The following DPP10 variants were observed in gnomAD, a reference collection of about 807,000 sequenced individuals.
DPP10 encodes dipeptidyl peptidase like 10.
In DPP10, 33 loss-of-function variants were observed where a neutral mutation model predicts 120.9. That is an observed-to-expected ratio of 0.27 (90% CI 0.21 to 0.37). The LOEUF (loss-of-function observed/expected upper bound fraction) is 0.37. Among genes scored for constraint, DPP10 ranks in the 10% least tolerant of loss-of-function variants. DPP10 has a pLI of 1.00. For synonymous variants in DPP10, 337 were observed against 326.1 expected (o/e 1.03, Z -0.36); for missense variants, 816 against 942.8 (o/e 0.87, Z 1.76).
At chr2:115,622,645 T>C (rs375318695) in intron 5 of DPP10, among the ~76,000 whole-genome samples, 3 of 151,910 alleles carry the variant, frequency 2.0e-5, no homozygotes, top group Non-Finnish European at 4.4e-5. Flanking sequence ...TTTTCAAAAT[T>C]TGCTGTACCA....
intron 3 of DPP10, among the ~76,000 whole-genome samples, chr2:115,443,103 A>T (rs1034362756): frequency 1.1e-4 from 16 of 152,222 alleles, no homozygotes; most frequent in Non-Finnish European, 2.1e-4. Flanking sequence ...TTCTAATAAA[A>T]GTCCTTGCTT....
chr2:115,184,812 C>G (rs980436079), intron 1 of DPP10, among the ~76,000 whole-genome samples: 1 of 152,040 alleles, frequency 6.6e-6, no homozygotes, highest in Non-Finnish European at 1.5e-5. Context: ...TAAGTAATTG[C>G]AATGAGACAG....
chr2:114,963,745 G>C (rs1408690036), intron 1 of DPP10, among the ~76,000 whole-genome samples: 4 of 152,080 alleles, frequency 2.6e-5, no homozygotes, highest in Non-Finnish European at 5.9e-5. Flanking sequence ...AACCAATGAG[G>C]GTAAGACTTC....
At chr2:115,098,272 T>C (rs2048499244) in intron 1 of DPP10, among the ~76,000 whole-genome samples, 1 of 152,126 alleles carries the variant, frequency 6.6e-6, no homozygotes, top group Non-Finnish European at 1.5e-5. Flanking sequence ...ATGAGAGAAA[T>C]AGATGGTTTA....
intron 1 of DPP10, among the ~76,000 whole-genome samples, chr2:114,700,246 A>T (rs911153457): frequency 2.0e-5 from 3 of 152,004 alleles, no homozygotes; most frequent in Non-Finnish European, 2.9e-5. Context: ...TCACCTCCCC[A>T]CACCACCCTC....
chr2:115,829,246 A>G (rs1688678050), intron 21 of DPP10, among the ~76,000 whole-genome samples: 1 of 152,120 alleles, frequency 6.6e-6, no homozygotes, highest in African/African-American at 2.4e-5. Context: ...GAATTTACTT[A>G]TATAGTTTCA....
At chr2:114,694,052 A>G (rs891680675) in intron 1 of DPP10, among the ~76,000 whole-genome samples, 8 of 151,994 alleles carry the variant, frequency 5.3e-5, no homozygotes, top group Admixed American at 2.0e-4. Flanking sequence ...CCAATAAAGG[A>G]ATATCAAGAA....
At chr2:114,520,024 C>T (rs1032424099) in intron 1 of DPP10, among the ~76,000 whole-genome samples, 2 of 152,186 alleles carry the variant, frequency 1.3e-5, no homozygotes, top group African/African-American at 2.4e-5. Flanking sequence ...AAAGAAAATT[C>T]TACTGAAACA....
rs569930531 is a variant in DPP10 at position 114,834,903 on chromosome 2, A to G, written c.60+392065A>G. ...ACACAACTATGTATATATAAGCCAT[A>G]TCTACACACCTATGTATATATAAGC... On this transcript the variant is annotated intron_variant, in intron 1 of 25. Coordinates refer to ENST00000410059, the MANE Select transcript of DPP10 (RefSeq NM_020868.6). 4.6e-4 allele frequency among the ~76,000 whole-genome samples: 65 copies of G among 140,406 alleles called. 4 individuals carry two copies. The highest frequency in any genetic ancestry group is 1.1e-3 in the South Asian group (5 of 4,674). The allele number at this position is 140,406 out of a possible 152,430, so 92.1% of individuals were successfully genotyped here. A position where few individuals can be genotyped will look rare whatever the true frequency, so the allele number is the denominator to read the frequency against.
intron 1 of DPP10, among the ~76,000 whole-genome samples, chr2:115,172,796 T>C (rs2053445659): frequency 6.6e-6 from 1 of 152,226 alleles, no homozygotes; most frequent in Non-Finnish European, 1.5e-5. Flanking sequence ...GACAGAGCGA[T>C]GGAAAATCAA....
chr2:114,834,060 C>A (rs578145806), intron 1 of DPP10: 1 of 151,688 alleles, frequency 6.6e-6, no homozygotes, highest in South Asian at 2.1e-4. Flanking sequence ...TAAGCCATAT[C>A]TACACACCTA....
chr2:115,402,046 G>A (rs1559547700), intron 3 of DPP10, among the ~76,000 whole-genome samples: 1 of 152,102 alleles, frequency 6.6e-6, no homozygotes, highest in Non-Finnish European at 1.5e-5. Context: ...AAATGTCCCA[G>A]AACTCAGGAG....
chr2:115,267,031 C>T (rs2059490479), intron 1 of DPP10, among the ~76,000 whole-genome samples: 1 of 152,140 alleles, frequency 6.6e-6, no homozygotes, highest in Non-Finnish European at 1.5e-5. Context: ...TTGTCCTGTT[C>T]CCACCTCCAG....
rs760396791 is a variant in DPP10, at chr2:115,746,054, G to A, written c.853-32G>A. 3.6e-5 allele frequency: 52 copies of A among 1,459,216 alleles called. 1 individual carries two copies. The Admixed American group carries it at 7.5e-4, about 21-fold the overall frequency. 90.4% of individuals were successfully genotyped at this position (1,459,216 alleles called of 1,614,324 possible). A position where few individuals can be genotyped will look rare whatever the true frequency, so the allele number is the denominator to read the frequency against. On this transcript the variant is annotated intron_variant, in intron 9 of 25. Transcript: ENST00000410059. Reference sequence around the variant, plus strand: ...TACCCAATATATTCTAATGCTTAATGTACTTGCAATACAACTTTCATTTTC... The same window carrying A: ...TACCCAATATATTCTAATGCTTAATATACTTGCAATACAACTTTCATTTTC...
At chr2:114,965,782 C>A (rs937458872) in intron 1 of DPP10, among the ~76,000 whole-genome samples, 1 of 151,016 alleles carries the variant, frequency 6.6e-6, no homozygotes, top group African/African-American at 2.4e-5. Flanking sequence ...ATCGAGACCA[C>A]GGTGAAACCC....
At chr2:115,840,706 C>T in intron 24 of DPP10, 44 bp from the exon 25 acceptor site, 1 of 1,555,642 alleles carries the variant, frequency 6.4e-7, no homozygotes, top group Non-Finnish European at 8.8e-7. Context: ...AGTTCTCATA[C>T]AAGCAGTGTG....
intron 3 of DPP10, among the ~76,000 whole-genome samples, chr2:115,395,181 C>T (rs1348493674): frequency 6.6e-6 from 1 of 152,160 alleles, no homozygotes; most frequent in African/African-American, 2.4e-5. Context: ...AGCACTGGTG[C>T]CCTCTGAGCC....
intron 1 of DPP10, among the ~76,000 whole-genome samples, chr2:114,455,729 G>T (rs57623594): frequency 0.074 from 10,740 of 144,624 alleles, 785 homozygotes; most frequent in African/African-American, 0.19. Flanking sequence ...AAATTCATTT[G>T]TTTTTTTTTT....
chr2:114,701,018 G>GCTA (rs1559016907), intron 1 of DPP10, among the ~76,000 whole-genome samples: 2 of 151,938 alleles, frequency 1.3e-5, no homozygotes, highest in African/African-American at 4.8e-5. Flanking sequence ...TAGTATCATT[G>GCTA]TTATTATTAT....
Sources: gnomAD v4.1 joint callset for allele counts (sites outside exome capture counted in the v4.1 genomes callset) on GRCh38, gnomAD v4.1.1 for gene constraint, MANE v1.5 for transcripts, NCBI Gene and HGNC (gene_info 2026-07-23, HGNC 2026-07-21) for gene names.